The following UTRN variants were observed in gnomAD, a reference collection of about 807,000 sequenced individuals.
UTRN encodes the protein utrophin, also known as dystrophin-related protein 1.
Under a neutral mutation model 463.9 loss-of-function variants are expected in UTRN, and 283 were observed. The observed-to-expected ratio is 0.61, with a 90% confidence interval of 0.55 to 0.67. UTRN has a LOEUF of 0.67. Ranked by LOEUF, UTRN falls within the 30% of genes least tolerant of loss-of-function variation. The probability of loss-of-function intolerance (pLI) is 0.00; values close to 1 mark genes in which losing one functional copy is unlikely to be tolerated. For synonymous variants in UTRN, 1,442 were observed against 1,431.5 expected (o/e 1.01, Z -0.17); for missense variants, 3,922 against 4,084.3 (o/e 0.96, Z 1.08).
intron 2 of UTRN, among the ~76,000 whole-genome samples, chr6:144,309,693 G>A (rs1440267764): frequency 1.3e-5 from 2 of 152,182 alleles, no homozygotes; most frequent in South Asian, 2.1e-4. Flanking sequence ...GCCCATGGAG[G>A]CTGGTCTGAA....
At chr6:144,398,855 T>C (rs1306691997) in intron 2 of UTRN, 4 of 149,948 alleles carry the variant, frequency 2.7e-5, no homozygotes, top group South Asian at 2.1e-4. Context: ...GCAAAACATA[T>C]CGTTAAAAAA....
At chr6:144,845,120 CT>C (rs1192099907) in intron 73 of UTRN, among the ~76,000 whole-genome samples, 1 of 152,170 alleles carries the variant, frequency 6.6e-6, no homozygotes, top group Non-Finnish European at 1.5e-5. Context: ...GAATTATGGC[CT>C]TTTAAAGTCT....
At chr6:144,703,268 G>A (rs182366268) in intron 53 of UTRN, among the ~76,000 whole-genome samples, 1 of 152,330 alleles carries the variant, frequency 6.6e-6, no homozygotes, top group African/African-American at 2.4e-5. Context: ...TGGAGGAGCA[G>A]TCTGGGAAGG....
At chr6:144,564,640 C>T (rs1226515742) in intron 50 of UTRN, among the ~76,000 whole-genome samples, 1 of 152,120 alleles carries the variant, frequency 6.6e-6, no homozygotes, top group Non-Finnish European at 1.5e-5. Flanking sequence ...AAGGCACCTT[C>T]TTCACAAGGT....
At chr6:144,455,678 A>G (rs1328516136) in intron 19 of UTRN, among the ~76,000 whole-genome samples, 1 of 152,142 alleles carries the variant, frequency 6.6e-6, no homozygotes, top group Non-Finnish European at 1.5e-5. Flanking sequence ...GAATGGGCAA[A>G]CTTGGATTCT....
At chr6:144,523,754 T>TA (rs1381363846) in intron 41 of UTRN, among the ~76,000 whole-genome samples, 2 of 152,216 alleles carry the variant, frequency 1.3e-5, no homozygotes, top group Admixed American at 6.5e-5. Context: ...CCATTCTCTT[T>TA]AAAAAAACTA....
At chr6:144,691,912 T>G (rs546006148) in intron 52 of UTRN, among the ~76,000 whole-genome samples, 75 of 152,316 alleles carry the variant, frequency 4.9e-4, no homozygotes, top group African/African-American at 1.7e-3. Flanking sequence ...TACTTTCAGT[T>G]CAGGGTACAT....
chr6:144,665,442 AT>A (rs1780284947), intron 51 of UTRN, among the ~76,000 whole-genome samples: 1 of 151,434 alleles, frequency 6.6e-6, no homozygotes, highest in Admixed American at 6.6e-5. Flanking sequence ...TTGTAGCTTT[AT>A]AATCAAGTAG....
intron 2 of UTRN, among the ~76,000 whole-genome samples, chr6:144,355,606 C>T (rs1778482087): frequency 6.6e-6 from 1 of 151,882 alleles, no homozygotes; most frequent in Non-Finnish European, 1.5e-5. Context: ...TAAACTGTAT[C>T]TTTATTATTT....
chr6:144,744,787 T>A (rs1790527111), intron 54 of UTRN, among the ~76,000 whole-genome samples: 1 of 152,188 alleles, frequency 6.6e-6, no homozygotes, highest in Non-Finnish European at 1.5e-5. Flanking sequence ...CCAATGCAAA[T>A]TAGATTACCC....
chr6:144,723,121 C>T (rs983860467), intron 53 of UTRN, among the ~76,000 whole-genome samples: 2 of 152,136 alleles, frequency 1.3e-5, no homozygotes, highest in East Asian at 3.8e-4. Flanking sequence ...GAATCCATAC[C>T]ATCCATGACA....
chr6:144,563,467 G>T (rs556777231), intron 50 of UTRN, among the ~76,000 whole-genome samples: 2 of 152,104 alleles, frequency 1.3e-5, no homozygotes, highest in African/African-American at 2.4e-5. Flanking sequence ...TATCAGCCAG[G>T]CTCAACCTTC....
chr6:144,439,127 A>G (rs936745358), intron 12 of UTRN, among the ~76,000 whole-genome samples: 11 of 152,320 alleles, frequency 7.2e-5, no homozygotes, highest in African/African-American at 2.4e-4. Context: ...TTGAAAGTAC[A>G]TAGCTTTCAT....
At chr6:144,515,329 A>G (rs1795521640) in intron 37 of UTRN, among the ~76,000 whole-genome samples, 1 of 152,238 alleles carries the variant, frequency 6.6e-6, no homozygotes, top group Admixed American at 6.5e-5. Context: ...AAAATAACCT[A>G]TTTGAGAAAA....
intron 46 of UTRN, among the ~76,000 whole-genome samples, chr6:144,548,176 G>T (rs1214630931): frequency 6.6e-6 from 1 of 151,934 alleles, no homozygotes; most frequent in Non-Finnish European, 1.5e-5. Context: ...TAAAATTTCA[G>T]GAGCAATCTA....
At chr6:144,734,502 A>G (rs971233766) in intron 54 of UTRN, among the ~76,000 whole-genome samples, 1 of 152,120 alleles carries the variant, frequency 6.6e-6, no homozygotes, top group Non-Finnish European at 1.5e-5. Context: ...CCATTCTTCC[A>G]TCAGTCTTTG....
chr6:144,544,228 G>A (rs980221870), intron 46 of UTRN, among the ~76,000 whole-genome samples: 6 of 152,026 alleles, frequency 3.9e-5, no homozygotes, highest in Admixed American at 1.3e-4. Context: ...CTCCTCCTAC[G>A]CAGTGTTTTA....
chr6:144,776,286 T>A lies in UTRN; in HGVS notation c.8632+1922T>A, dbSNP rs1048772479. ...CCGTCTCCACATTTTTTCCCAGTAG[T>A]TTATGATTGCCTGTAATAGCAGGTT... is the stretch of plus-strand genomic sequence containing the variant. On this transcript the variant is annotated intron_variant, in intron 60 of 74. Coordinates refer to ENST00000367545, the MANE Select transcript of UTRN (RefSeq NM_007124.3). Among the ~76,000 whole-genome samples, 6 of 152,296 alleles carry A rather than the reference T, an allele frequency of 3.9e-5. No homozygotes were observed. The South Asian group carries it at 1.0e-3, about 26-fold the overall frequency.
At chr6:144,633,606 G>C (rs1159193030) in intron 51 of UTRN, among the ~76,000 whole-genome samples, 3 of 152,146 alleles carry the variant, frequency 2.0e-5, no homozygotes, top group Non-Finnish European at 4.4e-5. Context: ...TTTGTAGTGA[G>C]TACATTATCT....
Sources: allele counts gnomAD v4.1 joint callset (sites outside exome capture counted in the v4.1 genomes callset), GRCh38; gene constraint gnomAD v4.1.1; transcripts MANE v1.5; gene names NCBI Gene and HGNC (gene_info 2026-07-23, HGNC 2026-07-21).